The following ETV4 variants were observed in gnomAD, a reference collection of about 807,000 sequenced individuals.
The protein encoded by ETV4 is ETS variant transcription factor 4, also known as ETS translocation variant 4.
In ETV4, 42 loss-of-function variants were observed where a neutral mutation model predicts 65.9. The ratio of observed to expected loss-of-function variants is 0.64; its 90% CI spans 0.50 to 0.82. The LOEUF (loss-of-function observed/expected upper bound fraction) is 0.82, where lower values mean the gene tolerates loss of function less well. ETV4 is among the 40% of genes least tolerant of loss of function. The pLI, the probability that ETV4 is intolerant of heterozygous loss-of-function variation, is 0.00. For missense variants in ETV4, 583 were observed against 630.3 expected (o/e 0.92, Z 0.80); for synonymous variants, 238 against 260.0 (o/e 0.92, Z 0.81).
chr17:43,529,397 G>A (rs1369976531), intron 11 of ETV4, 107 bp downstream of exon 11: 1 of 1,448,602 alleles, frequency 6.9e-7, no homozygotes, highest in East Asian at 2.4e-5. Flanking sequence ...ATTCAGGTTA[G>A]GTAAAGCAAG....
intron 5 of ETV4, among the ~76,000 whole-genome samples, chr17:43,535,280 G>T (rs1971176588): frequency 7.0e-6 from 1 of 143,582 alleles, no homozygotes. Context: ...TTTGTTTTTT[G>T]GTTTTTGTTT....
At chr17:43,541,913 C>T (rs1181126680) in intron 4 of ETV4, among the ~76,000 whole-genome samples, 1 of 152,178 alleles carries the variant, frequency 6.6e-6, no homozygotes, top group Non-Finnish European at 1.5e-5. Flanking sequence ...CCTCATCCCT[C>T]CCCACAGACA....
At chr17:43,537,605 A>G (rs1288696545) in intron 4 of ETV4, among the ~76,000 whole-genome samples, 1 of 151,720 alleles carries the variant, frequency 6.6e-6, no homozygotes, top group Non-Finnish European at 1.5e-5. Context: ...CTGAGGCAGG[A>G]GAATTGCTTG....
rs370508089 is a variant in ETV4 at position 43,529,353 on chromosome 17, A to G, written c.1129-117T>C. 129 of 1,397,414 alleles carry G rather than the reference A, an allele frequency of 9.2e-5. 3 individuals are homozygous for G. The African/African-American group carries it at 1.8e-3, about 19-fold the overall frequency. The allele number at this position is 1,397,414 out of a possible 1,614,324, so 86.6% of individuals were successfully genotyped here. On this transcript the variant is annotated intron_variant, in intron 11 of 12. Transcript: ENST00000319349. The stretch of plus-strand genomic sequence containing the variant: ...CAAAGTGCCAAGCTAGCTCTGCAAC[A>G]AAGCATCAGCCCACAGACTTAGGCT...
intron 8 of ETV4, among the ~76,000 whole-genome samples, chr17:43,531,625 A>G (rs1970941051): frequency 6.6e-6 from 1 of 152,094 alleles, no homozygotes. Flanking sequence ...AATCGCTTGA[A>G]CCCAGTGGCA....
rs34640745 is a variant in ETV4, at chr17:43,545,194, C to CGTGTGT, written c.154+74_154+79dup. ...AACAGGCGGGGGTTCCAGAATCGGC[C>CGTGTGT]GTGTGTGTGTGTGTGTGTGTGTGTG... On this transcript the variant is annotated intron_variant, in intron 3 of 12. Transcript: ENST00000319349. The CGTGTGT allele has an allele frequency of 0.094, 59,014 of 626,736 alleles. 1,310 individuals are homozygous for CGTGTGT. Among genetic ancestry groups the CGTGTGT allele is most frequent in the African/African-American group, 0.11 (4,787 of 45,114 alleles). 38.8% of individuals were successfully genotyped at this position (626,736 alleles called of 1,614,324 possible). A position where few individuals can be genotyped will look rare whatever the true frequency, so the allele number is the denominator to read the frequency against.
intron 4 of ETV4, among the ~76,000 whole-genome samples, chr17:43,538,325 A>T (rs1180777099): frequency 1.3e-5 from 2 of 152,080 alleles, no homozygotes; most frequent in African/African-American, 2.4e-5. Context: ...TAAATAAAAT[A>T]AAAAAGGAGG....
At chr17:43,532,158 CG>C (rs937264565) in intron 8 of ETV4, among the ~76,000 whole-genome samples, 1 of 152,194 alleles carries the variant, frequency 6.6e-6, no homozygotes, top group Non-Finnish European at 1.5e-5. Context: ...CACCATGCCC[CG>C]GGGGCCCCCC....
At chr17:43,542,740 G>A (rs940524058) in intron 4 of ETV4, among the ~76,000 whole-genome samples, 2 of 152,118 alleles carry the variant, frequency 1.3e-5, no homozygotes, top group African/African-American at 4.8e-5. Context: ...GTATCTGCCC[G>A]GCTCCAACCT....
intron 4 of ETV4, among the ~76,000 whole-genome samples, chr17:43,541,455 AG>A (rs1395759514): frequency 1.3e-5 from 2 of 150,784 alleles, no homozygotes; most frequent in Non-Finnish European, 3.0e-5. Flanking sequence ...ATGATTAAGG[AG>A]GGGGTGGGAA....
chr17:43,529,732 A>G lies in ETV4; in HGVS notation c.956-56T>C, dbSNP rs181718925. The stretch of plus-strand genomic sequence containing the variant: ...TTTGTGTCTTTTGGTCCCCCAAGCA[A>G]CCGCCTCCCACCCGAGGGATTTCTC... On this transcript the variant is annotated intron_variant, in intron 10 of 12. Coordinates refer to ENST00000319349, the MANE Select transcript of ETV4 (RefSeq NM_001079675.5). 2.5e-6 allele frequency: 4 copies of G among 1,589,528 alleles called. No homozygotes were observed. The African/African-American group carries it at 5.4e-5, about 21-fold the overall frequency.
At chr17:43,542,687 C>T (rs970433616) in intron 4 of ETV4, among the ~76,000 whole-genome samples, 12 of 152,124 alleles carry the variant, frequency 7.9e-5, no homozygotes, top group Non-Finnish European at 1.3e-4. Flanking sequence ...CTTCAACGCC[C>T]GGACGCAGGA....
At chr17:43,535,248 A>G (rs1971174961) in intron 5 of ETV4, among the ~76,000 whole-genome samples, 1 of 152,044 alleles carries the variant, frequency 6.6e-6, no homozygotes, top group Non-Finnish European at 1.5e-5. Flanking sequence ...TTGACAGCAA[A>G]GTATCTGACA....
At chr17:43,546,066 A>C in intron 1 of ETV4, 119 bp downstream of exon 1, 1 of 183,978 alleles carries the variant, frequency 5.4e-6, no homozygotes, top group Non-Finnish European at 1.1e-5. Flanking sequence ...GAATCCCAGC[A>C]CCTCCCACCC....
In ETV4 at chr17:43,530,607, CGCGTGTGTGTGT is replaced by C. The variant is rs1253652304; in HGVS notation, c.812-438_812-427del. ...TCAGGTTCCCAGCCCTGTGCACGCG[CGCGTGTGTGTGT>C]GTGTGTGTGTGTGTGTGACAGAAAC... On this transcript the variant is annotated intron_variant, in intron 8 of 12. Coordinates refer to ENST00000319349, the MANE Select transcript of ETV4 (RefSeq NM_001079675.5). Among the ~76,000 whole-genome samples, 16 of 138,734 alleles carry C rather than the reference CGCGTGTGTGTGT, an allele frequency of 1.2e-4. No individual in the cohort carries two copies. In the East Asian group the frequency reaches 2.1e-3, roughly 18 times the overall value. The allele number at this position is 138,734 out of a possible 152,430, so 91.0% of individuals were successfully genotyped here. A position where few individuals can be genotyped will look rare whatever the true frequency, so the allele number is the denominator to read the frequency against.
intron 2 of ETV4, 70 bp downstream of exon 2, chr17:43,545,488 A>T: frequency 7.5e-6 from 5 of 664,972 alleles, no homozygotes; most frequent in Non-Finnish European, 9.0e-6. Flanking sequence ...GACTGCGGGG[A>T]GGGGGGCTGT....
chr17:43,537,870 T>G (rs1971326245), intron 4 of ETV4, among the ~76,000 whole-genome samples: 1 of 152,138 alleles, frequency 6.6e-6, no homozygotes, highest in African/African-American at 2.4e-5. Flanking sequence ...GGCTCACGCC[T>G]GTAATCCCAG....
chr17:43,540,317 G>A (rs1294231782), intron 4 of ETV4, among the ~76,000 whole-genome samples: 2 of 152,162 alleles, frequency 1.3e-5, no homozygotes, highest in Non-Finnish European at 2.9e-5. Flanking sequence ...GCCAGGCATG[G>A]TGGTTCTCGC....
At chr17:43,540,978 C>G (rs573470144) in intron 4 of ETV4, among the ~76,000 whole-genome samples, 2 of 152,258 alleles carry the variant, frequency 1.3e-5, no homozygotes, top group African/African-American at 4.8e-5. Flanking sequence ...CTCTTGCTGG[C>G]GTCACTGGTG....
Sources: gnomAD v4.1 joint callset for allele counts (sites outside exome capture counted in the v4.1 genomes callset) on GRCh38, gnomAD v4.1.1 for gene constraint, MANE v1.5 for transcripts, NCBI Gene and HGNC (gene_info 2026-07-23, HGNC 2026-07-21) for gene names.